The following PRKAG3 variants were observed in gnomAD, a reference collection of about 807,000 sequenced individuals.
PRKAG3 encodes the protein 5'-AMP-activated protein kinase subunit gamma-3.
Under a neutral mutation model 56.5 loss-of-function variants are expected in PRKAG3, and 39 were observed. The observed-to-expected ratio is 0.69, with a 90% CI of 0.53 to 0.90. The LOEUF (loss-of-function observed/expected upper bound fraction) is 0.90. Among genes scored for constraint, PRKAG3 ranks in the 40% least tolerant of loss-of-function variants. The pLI, the probability that PRKAG3 is intolerant of heterozygous loss-of-function variation, is 0.00. For missense variants in PRKAG3, 628 were observed against 627.5 expected (o/e 1.00, Z -0.01); for synonymous variants, 243 against 250.1 (o/e 0.97, Z 0.27).
chr2:218,831,194 G>T, intron 2 of PRKAG3, 142 bp downstream of exon 2: 3 of 732,706 alleles, frequency 4.1e-6, no homozygotes, highest in Non-Finnish European at 6.8e-6. Flanking sequence ...CACACCTGGG[G>T]AAAGGAGGAA....
rs779805362 is a variant in PRKAG3, at chr2:218,831,386, A to C, written c.34-11T>G. The C allele has an allele frequency of 1.3e-5, 21 of 1,597,478 alleles. No homozygotes were observed. The highest frequency in any genetic ancestry group is 1.6e-5 in the Non-Finnish European group (19 of 1,172,076). On this transcript the variant is annotated splice_polypyrimidine_tract_variant and intron_variant, in intron 1 of 12. Transcript: ENST00000529249. Reference sequence around the variant, plus strand: ...GCTCCAGGAAGGGGTCTGTGGGGAGAAGAGTTTCTGAAGGAGTGGGGAAAG... The same window carrying C: ...GCTCCAGGAAGGGGTCTGTGGGGAGCAGAGTTTCTGAAGGAGTGGGGAAAG...
chr2:218,823,014 G>A (rs1041315871), downstream of PRKAG3: 10 of 985,030 alleles, frequency 1.0e-5, no homozygotes, highest in Non-Finnish European at 1.2e-5. Context: ...GGTGCACTGG[G>A]CATGCCCGAG....
chr2:218,827,919 G>A lies in PRKAG3; in HGVS notation c.775-41C>T, dbSNP rs1559398032. On this transcript the variant is annotated intron_variant, in intron 6 of 12. Coordinates refer to ENST00000529249, the Ensembl canonical transcript of PRKAG3. This position sits in a 1 kb window ranked among gnomAD's most constrained non-coding sequence, Gnocchi z 5.3. ...GGACTCCAGAAGTCAGAAAGACGTG[G>A]GCTTCTAGGGCACCAGGCTCCAGGA... is the stretch of plus-strand genomic sequence containing the variant. The A allele has an allele frequency of 8.1e-6, 13 of 1,612,062 alleles. No homozygotes were observed. Among genetic ancestry groups the A allele is most frequent in the Non-Finnish European group, 1.1e-5 (13 of 1,178,626 alleles).
intron 5 of PRKAG3, among the ~76,000 whole-genome samples, chr2:218,828,294 GA>G (rs1943967024): frequency 6.6e-6 from 1 of 152,238 alleles, no homozygotes; most frequent in Non-Finnish European, 1.5e-5. Context: ...TAGCGGAGGT[GA>G]AAGGTGTCAG....
intron 1 of PRKAG3, 128 bp downstream of exon 1, chr2:218,831,610 T>C (rs1387248753): frequency 1.6e-6 from 2 of 1,282,782 alleles, no homozygotes; most frequent in African/African-American, 1.5e-5. Context: ...CACATGCCCA[T>C]ATTCACGAGA....
intron 3 of PRKAG3, 134 bp from the exon 4 acceptor site, chr2:218,830,515 C>G: frequency 7.9e-7 from 1 of 1,265,076 alleles, no homozygotes; most frequent in Admixed American, 2.6e-5. Context: ...GAGGGGCTGA[C>G]CTGAGAGTCG....
chr2:218,828,522 C>A (rs1209473510), exon 5 of PRKAG3: 1 of 1,613,258 alleles, frequency 6.2e-7, no homozygotes, highest in Non-Finnish European at 8.5e-7. Context: ...TCCTCACCCA[C>A]AAAGCTCTGC....
exon 13 of PRKAG3, chr2:218,823,482 T>A: frequency 6.2e-6 from 3 of 480,868 alleles, no homozygotes; most frequent in South Asian, 6.1e-5. Context: ...TGACCTCAGC[T>A]GAAAATGGGA....
chr2:218,828,912 G>T (rs1943977023), intron 4 of PRKAG3, among the ~76,000 whole-genome samples: 1 of 152,222 alleles, frequency 6.6e-6, no homozygotes, highest in South Asian at 2.1e-4. Context: ...GAGGGTATGT[G>T]TGTACAGACA....
At chr2:218,828,015 T>A in exon 6 of PRKAG3, 1 of 1,571,114 alleles carries the variant, frequency 6.4e-7, no homozygotes, top group South Asian at 1.2e-5. Flanking sequence ...AGGGGGGACC[T>A]GTAGTAGCGA....
intron 10 of PRKAG3, among the ~76,000 whole-genome samples, chr2:218,825,208 C>T (rs1158477166): frequency 6.6e-6 from 1 of 151,856 alleles, no homozygotes; most frequent in Non-Finnish European, 1.5e-5. Flanking sequence ...TGATGGCACG[C>T]ACCTGTAAAC....
chr2:218,826,463 A>C (rs1943933954), intron 10 of PRKAG3, among the ~76,000 whole-genome samples: 1 of 152,016 alleles, frequency 6.6e-6, no homozygotes, highest in Non-Finnish European at 1.5e-5. Flanking sequence ...TTATTTCGTT[A>C]TTATTATTTT....
intron 1 of PRKAG3, 108 bp downstream of exon 1, chr2:218,831,630 C>G: frequency 7.0e-7 from 1 of 1,432,866 alleles, no homozygotes; most frequent in Non-Finnish European, 9.6e-7. Context: ...AAAATCCAGA[C>G]CAAACACACA....
chr2:218,824,252 C>T, exon 12 of PRKAG3: 1 of 1,614,152 alleles, frequency 6.2e-7, no homozygotes, highest in South Asian at 1.1e-5. Context: ...CGATCACTTC[C>T]CCCAAGCTCT....
downstream of PRKAG3, chr2:218,822,907 G>A: frequency 2.0e-6 from 2 of 985,556 alleles, no homozygotes; most frequent in Non-Finnish European, 2.4e-6. Context: ...GGGATGGGCG[G>A]GCATGGAGCA....
chr2:218,825,763 CTT>C (rs575179216), intron 10 of PRKAG3, among the ~76,000 whole-genome samples: 62 of 134,870 alleles, frequency 4.6e-4, no homozygotes, highest in African/African-American at 9.8e-4. Flanking sequence ...ATAAAATGCA[CTT>C]TTTTTTTTTT....
chr2:218,830,631 A>C lies in PRKAG3; in HGVS notation c.229+115T>G, dbSNP rs889886908. ...TAGGGAGACTGAGGCCACAAGATGA[A>C]GGTTGGGTCCAACTCTGTGTTATGG... On this transcript the variant is annotated intron_variant, in intron 3 of 12. Transcript: ENST00000529249. The C allele has an allele frequency of 5.2e-6, 7 of 1,337,530 alleles. No individual in the cohort carries two copies. In the African/African-American group the frequency reaches 8.8e-5, roughly 17 times the overall value. 82.9% of individuals were successfully genotyped at this position (1,337,530 alleles called of 1,614,324 possible).
intron 10 of PRKAG3, chr2:218,826,686 T>C (rs1244129167): frequency 3.7e-6 from 2 of 542,426 alleles, no homozygotes; most frequent in Non-Finnish European, 6.7e-6. Flanking sequence ...ACCTTTTAAA[T>C]CCTCCTGTGA....
At chr2:218,824,720 G>T (rs1414330242) in intron 10 of PRKAG3, 144 bp from the exon 11 acceptor site, 4 of 747,900 alleles carry the variant, frequency 5.3e-6, no homozygotes, top group Non-Finnish European at 9.6e-6. Flanking sequence ...GCATCCCAGA[G>T]TGAGACAGCC....
Sources: gnomAD v4.1 joint callset for allele counts (sites outside exome capture counted in the v4.1 genomes callset) on GRCh38, gnomAD v4.1.1 for gene constraint, Gnocchi (gnomAD v3.1) non-coding constraint, MANE v1.5 for transcripts, NCBI Gene and HGNC (gene_info 2026-07-23, HGNC 2026-07-21) for gene names.